Variants in NKAIN3 observed in about 807,000 individuals in gnomAD.
NKAIN3 encodes sodium/potassium-transporting ATPase subunit beta-1-interacting protein 3.
Under a neutral mutation model 30.2 loss-of-function variants are expected in NKAIN3, and 25 were observed. The ratio of observed to expected loss-of-function variants is 0.83; its 90% confidence interval spans 0.60 to 1.16. NKAIN3 has a LOEUF of 1.16. Among genes scored for constraint, NKAIN3 ranks in the 50% most tolerant of loss-of-function variants. The pLI, the probability that NKAIN3 is intolerant of heterozygous loss-of-function variation, is 0.00. For missense variants in NKAIN3, 225 were observed against 254.1 expected, an observed-to-expected ratio of 0.89 and a Z score of 0.78; for synonymous variants, 91 against 89.6, an observed-to-expected ratio of 1.02 and a Z score of -0.09.
At chr8:62,535,995 A>G (rs975152663) in intron 1 of NKAIN3, among the ~76,000 whole-genome samples, 1 of 152,188 alleles carries the variant, frequency 6.6e-6, no homozygotes, top group African/African-American at 2.4e-5. Context: ...TGAGCCAGGA[A>G]CCATGGATGA....
chr8:62,889,963 T>C lies in NKAIN3; in HGVS notation c.472-28490T>C, dbSNP rs1212893355. Among the ~76,000 whole-genome samples the C allele has an allele frequency of 3.3e-5, 5 of 152,142 alleles. No homozygotes were observed. The East Asian group carries it at 9.6e-4, about 29-fold the overall frequency. ...AAAAACAAAGTTTCTCAATATGATT[T>C]TGGTTGGTTTCAAGACAGAGAAAAT... On this transcript the variant is annotated intron_variant, in intron 4 of 6. Coordinates refer to ENST00000623646, the MANE Select transcript of NKAIN3 (RefSeq NM_001304533.3).
chr8:62,579,646 C>T lies in NKAIN3; in HGVS notation c.162C>T (p.Thr54=), dbSNP rs374360473. 1.2e-6 allele frequency: 2 copies of T among 1,601,032 alleles called. No individual in the cohort carries two copies. Among genetic ancestry groups the T allele is most frequent in the African/African-American group, 2.7e-5 (2 of 74,502 alleles). ...IIVVILGLFG[T]IQYRPRYIMV... ...TTGTCATATTGGGTTTGTTTGGGAC[C>T]ATTCAGTACAGACCTCGATACATAA... The change falls in exon 2 of 7, where the codon ACC becomes ACT. Residue 54 remains threonine, a synonymous_variant. Coordinates refer to ENST00000623646, the MANE Select transcript of NKAIN3 (RefSeq NM_001304533.3).
chr8:62,783,038 T>C (rs996731106), intron 4 of NKAIN3, among the ~76,000 whole-genome samples: 1 of 151,962 alleles, frequency 6.6e-6, no homozygotes, highest in South Asian at 2.1e-4. Context: ...TGTCATGAAA[T>C]GTGCATTTTT....
At chr8:62,616,146 CT>C (rs1340900140) in intron 3 of NKAIN3, among the ~76,000 whole-genome samples, 5 of 151,842 alleles carry the variant, frequency 3.3e-5, no homozygotes, top group South Asian at 2.1e-4. Context: ...TGGGTTTTTG[CT>C]TTTTTTTCTG....
At chr8:62,808,798 A>G (rs1563572774) in intron 4 of NKAIN3, among the ~76,000 whole-genome samples, 1 of 152,156 alleles carries the variant, frequency 6.6e-6, no homozygotes, top group Admixed American at 6.6e-5. Context: ...ATGAAGTTTC[A>G]TGTCCCACTG....
At chr8:62,571,877 C>G (rs1200111238) in intron 1 of NKAIN3, among the ~76,000 whole-genome samples, 12 of 152,114 alleles carry the variant, frequency 7.9e-5, no homozygotes, top group Non-Finnish European at 1.8e-4. Context: ...CATAGGAACC[C>G]TGGGCCGGCC....
intron 1 of NKAIN3, among the ~76,000 whole-genome samples, chr8:62,490,771 A>G (rs1038950233): frequency 4.6e-5 from 7 of 152,212 alleles, no homozygotes; most frequent in Admixed American, 2.0e-4. Context: ...GTCCCTTCAT[A>G]CAGGAAAGAA....
chr8:62,479,026 T>C lies in NKAIN3; in HGVS notation c.55-100513T>C, dbSNP rs1009194090. Among the ~76,000 whole-genome samples the C allele has an allele frequency of 2.0e-5, 3 of 152,084 alleles. No individual in the cohort carries two copies. In the East Asian group the frequency reaches 5.8e-4, roughly 29 times the overall value. Reference sequence around the variant, plus strand: ...TAGGCAGGGCCTCCACTCCTTTATCTTCCAATCCACTGTTTCTGCTTCTCA... The same window carrying C: ...TAGGCAGGGCCTCCACTCCTTTATCCTCCAATCCACTGTTTCTGCTTCTCA... On this transcript the variant is annotated intron_variant, in intron 1 of 6. Transcript: ENST00000623646.
At chr8:62,390,534 G>C (rs1048688364) in intron 1 of NKAIN3, among the ~76,000 whole-genome samples, 1 of 152,182 alleles carries the variant, frequency 6.6e-6, no homozygotes, top group East Asian at 1.9e-4. Context: ...ATAATAGAAT[G>C]ATTTATATTC....
chr8:62,757,042 CTT>C (rs1309522726), intron 4 of NKAIN3, among the ~76,000 whole-genome samples: 2 of 152,082 alleles, frequency 1.3e-5, no homozygotes, highest in Non-Finnish European at 2.9e-5. Context: ...AAATGAAAAA[CTT>C]AATTAGAAAT....
intron 1 of NKAIN3, among the ~76,000 whole-genome samples, chr8:62,262,168 C>CT (rs1407538177): frequency 6.6e-6 from 1 of 152,102 alleles, no homozygotes; most frequent in Non-Finnish European, 1.5e-5. Flanking sequence ...AGAAGAGACA[C>CT]TAACTCTGGG....
intron 4 of NKAIN3, among the ~76,000 whole-genome samples, chr8:62,894,983 A>G (rs1327394859): frequency 6.6e-6 from 1 of 152,172 alleles, no homozygotes; most frequent in Non-Finnish European, 1.5e-5. Context: ...AAAATCCCAC[A>G]TCACATCTAA....
At chr8:62,525,529 G>C (rs1808277850) in intron 1 of NKAIN3, among the ~76,000 whole-genome samples, 1 of 152,068 alleles carries the variant, frequency 6.6e-6, no homozygotes, top group Admixed American at 6.6e-5. Flanking sequence ...AGTTTGCTAA[G>C]GATAATGGCC....
intron 1 of NKAIN3, among the ~76,000 whole-genome samples, chr8:62,504,370 A>G (rs922903684): frequency 6.6e-6 from 1 of 152,220 alleles, no homozygotes; most frequent in Non-Finnish European, 1.5e-5. Flanking sequence ...CCCTTAATGC[A>G]TATGAGATAT....
At chr8:62,666,406 A>G (rs952133137) in intron 3 of NKAIN3, among the ~76,000 whole-genome samples, 5 of 152,308 alleles carry the variant, frequency 3.3e-5, no homozygotes, top group Admixed American at 3.3e-4. Flanking sequence ...AAATGATATG[A>G]TTATCATTTT....
chr8:62,280,070 C>T (rs1813122081), intron 1 of NKAIN3, among the ~76,000 whole-genome samples: 5 of 151,936 alleles, frequency 3.3e-5, no homozygotes, highest in South Asian at 4.2e-4. Flanking sequence ...TTTGTAGTTC[C>T]CCTTGAAGAG....
intron 4 of NKAIN3, chr8:62,856,592 C>T: frequency 1.3e-6 from 1 of 781,452 alleles, no homozygotes; most frequent in Non-Finnish European, 2.4e-6. Context: ...TGGTGAACAG[C>T]ATGATCTTGT....
chr8:62,655,187 C>G lies in NKAIN3; in HGVS notation c.273+65393C>G, dbSNP rs114437311. 3.1e-3 allele frequency among the ~76,000 whole-genome samples: 475 copies of G among 152,252 alleles called. 3 individuals carry two copies. Among genetic ancestry groups the G allele is most frequent in the African/African-American group, 0.011 (448 of 41,560 alleles). On this transcript the variant is annotated intron_variant, in intron 3 of 6. Transcript: ENST00000623646. ...TGGAGGAGACCAAGATGGACCTGAG[C>G]TGAAGGAGGTCCAGAGGTTCCACTC...
chr8:62,314,735 T>C (rs1162615527), intron 1 of NKAIN3, among the ~76,000 whole-genome samples: 2 of 152,184 alleles, frequency 1.3e-5, no homozygotes, highest in African/African-American at 4.8e-5. Flanking sequence ...TTGTGGTGTT[T>C]ACGTCTTTCT....
Sources: allele counts gnomAD v4.1 joint callset (sites outside exome capture counted in the v4.1 genomes callset), GRCh38; gene constraint gnomAD v4.1.1; transcripts MANE v1.5; gene names NCBI Gene and HGNC (gene_info 2026-07-23, HGNC 2026-07-21).